The following UCMA variants were observed in gnomAD, a reference collection of about 807,000 sequenced individuals.
The protein encoded by UCMA is upper zone of growth plate and cartilage matrix-associated protein.
Under a neutral mutation model 21.8 loss-of-function variants are expected in UCMA, and 21 were observed. The ratio of observed to expected loss-of-function variants is 0.97; its 90% confidence interval spans 0.68 to 1.39. The LOEUF (loss-of-function observed/expected upper bound fraction) is 1.39. Ranked by LOEUF, UCMA falls within the 40% of genes most tolerant of loss-of-function variation. The pLI, the probability that UCMA is intolerant of heterozygous loss-of-function variation, is 0.00. For missense variants in UCMA, 193 were observed against 178.9 expected (o/e 1.08, Z -0.45); for synonymous variants, 76 against 67.9 (o/e 1.12, Z -0.58).
chr10:13,225,630 G>A (rs1180353897), intron 4 of UCMA, among the ~76,000 whole-genome samples: 3 of 147,634 alleles, frequency 2.0e-5, no homozygotes, highest in South Asian at 2.2e-4. Flanking sequence ...AGCCGAGATA[G>A]CGCCACTGCA....
chr10:13,225,966 C>T (rs1365286594), intron 4 of UCMA, among the ~76,000 whole-genome samples: 2 of 152,108 alleles, frequency 1.3e-5, no homozygotes, highest in Non-Finnish European at 2.9e-5. Flanking sequence ...CTGGGGAGAC[C>T]CCCTGAGGGC....
intron 4 of UCMA, among the ~76,000 whole-genome samples, chr10:13,224,437 AAG>A (rs1293063653): frequency 6.6e-6 from 1 of 152,142 alleles, no homozygotes; most frequent in African/African-American, 2.4e-5. Flanking sequence ...GGAAGAAAGA[AAG>A]AAGAGTTTAA....
At position 13,232,744 on chromosome 10, in the gene UCMA, G is replaced by A. The variant is rs571269940; in HGVS notation, c.220+794C>T. ...GTTCATTCACCCACAGGCACGAGGA[G>A]GAAAGACTCAAGCCAGAGACTCGGG... On this transcript the variant is annotated intron_variant, in intron 3 of 4. Coordinates refer to ENST00000378681, the MANE Select transcript of UCMA (RefSeq NM_145314.3). 7.9e-5 allele frequency among the ~76,000 whole-genome samples: 12 copies of A among 152,212 alleles called. No individual in the cohort carries two copies. In the East Asian group the frequency reaches 2.3e-3, roughly 29 times the overall value.
At chr10:13,225,324 T>C (rs1252372754) in intron 4 of UCMA, among the ~76,000 whole-genome samples, 1 of 147,910 alleles carries the variant, frequency 6.8e-6, no homozygotes, top group Admixed American at 7.1e-5. Flanking sequence ...ATTCCTTTTA[T>C]GAAGTAAGTA....
intron 3 of UCMA, among the ~76,000 whole-genome samples, chr10:13,231,012 A>T (rs959242691): frequency 1.3e-5 from 2 of 151,950 alleles, no homozygotes; most frequent in Admixed American, 1.3e-4. Context: ...ACGCCACTGC[A>T]CTCCAGCCTG....
At chr10:13,229,755 A>G (rs570369602) in intron 3 of UCMA, 46 bp from the exon 4 acceptor site, 112 of 1,510,594 alleles carry the variant, frequency 7.4e-5, no homozygotes, top group Non-Finnish European at 8.2e-5. Context: ...GAATGAGGAC[A>G]CTTAGGGGCA....
In UCMA at chr10:13,234,368, G is replaced by A. The variant is rs2399954; in HGVS notation, c.-110C>T. 0.099 allele frequency: 112,957 copies of A among 1,142,672 alleles called. 6,764 individuals are homozygous for A. The highest frequency in any genetic ancestry group is 0.22 in the Admixed American group (9,464 of 43,116). The allele number at this position is 1,142,672 out of a possible 1,614,324, so 70.8% of individuals were successfully genotyped here. Reference sequence around the variant, plus strand: ...CAGCCCAGGCGAGAGGAAGGAAGGCGGGGGAGGGAAGAGAGAGGCAGGAGG... The same window carrying A: ...CAGCCCAGGCGAGAGGAAGGAAGGCAGGGGAGGGAAGAGAGAGGCAGGAGG... On this transcript the variant is annotated 5_prime_UTR_variant, in exon 1 of 5. Coordinates refer to ENST00000378681, the MANE Select transcript of UCMA (RefSeq NM_145314.3).
At chr10:13,226,708 G>A (rs148511121) in intron 4 of UCMA, among the ~76,000 whole-genome samples, 27 of 152,218 alleles carry the variant, frequency 1.8e-4, no homozygotes, top group Middle Eastern at 3.4e-3. Flanking sequence ...GCCACTTACA[G>A]TGCCTGGCAG....
intron 4 of UCMA, among the ~76,000 whole-genome samples, chr10:13,229,011 C>T (rs1402821180): frequency 2.0e-5 from 3 of 152,090 alleles, no homozygotes; most frequent in African/African-American, 7.2e-5. Context: ...TCTCCACTCA[C>T]TGCAACTTCT....
At chr10:13,231,653 C>T (rs1834900538) in intron 3 of UCMA, among the ~76,000 whole-genome samples, 1 of 152,188 alleles carries the variant, frequency 6.6e-6, no homozygotes, top group Admixed American at 6.5e-5. Context: ...CAAATTAGAG[C>T]TTTGACGTAA....
chr10:13,222,308 G>A lies in UCMA; in HGVS notation c.320-108C>T, dbSNP rs564903468. 26 of 944,650 alleles carry A rather than the reference G, an allele frequency of 2.8e-5. No homozygotes were observed. In the Admixed American group the frequency reaches 4.4e-4, roughly 16 times the overall value. 58.5% of individuals were successfully genotyped at this position (944,650 alleles called of 1,614,324 possible). A position where few individuals can be genotyped will look rare whatever the true frequency, so the allele number is the denominator to read the frequency against. On this transcript the variant is annotated intron_variant, in intron 4 of 4. Transcript: ENST00000378681. Reference sequence around the variant, plus strand: ...TGCCCTGTGGTGACCTGCACTGAGAGTGTTTGTGAGCCCTGGTGAGAGAAG... The same window carrying A: ...TGCCCTGTGGTGACCTGCACTGAGAATGTTTGTGAGCCCTGGTGAGAGAAG...
Position 13,221,860 on chromosome 10 carries a change from G to A in UCMA, c.*243C>T. 1 of 518,078 alleles carries A rather than the reference G, an allele frequency of 1.9e-6. No individual in the cohort carries two copies. The highest frequency in any genetic ancestry group is 3.4e-6 in the Non-Finnish European group (1 of 291,296). 32.1% of individuals were successfully genotyped at this position (518,078 alleles called of 1,614,324 possible). A position where few individuals can be genotyped will look rare whatever the true frequency, so the allele number is the denominator to read the frequency against. On this transcript the variant is annotated 3_prime_UTR_variant, in exon 5 of 5. Coordinates refer to ENST00000378681, the MANE Select transcript of UCMA (RefSeq NM_145314.3). Reference sequence around the variant, plus strand: ...AACGAAGCCAGGGGAAGCCACTGTAGGTTTGGTACTAGGAGGCCCTGCAGG... The same window carrying A: ...AACGAAGCCAGGGGAAGCCACTGTAAGTTTGGTACTAGGAGGCCCTGCAGG...
intron 1 of UCMA, 38 bp downstream of exon 1, chr10:13,234,163 G>A (rs768655178): frequency 1.3e-6 from 2 of 1,580,206 alleles, no homozygotes; most frequent in Admixed American, 1.8e-5. Flanking sequence ...CCCTTACCAT[G>A]TAACTAACAC....
At chr10:13,230,147 G>C (rs528645367) in intron 3 of UCMA, among the ~76,000 whole-genome samples, 48 of 152,296 alleles carry the variant, frequency 3.2e-4, no homozygotes, top group African/African-American at 1.1e-3. Flanking sequence ...GAATAAGAAA[G>C]ATTCCGTCCT....
At chr10:13,231,367 A>G (rs1367206383) in intron 3 of UCMA, among the ~76,000 whole-genome samples, 2 of 152,116 alleles carry the variant, frequency 1.3e-5, no homozygotes, top group African/African-American at 4.8e-5. Flanking sequence ...AGGCTCAGAG[A>G]TGTGCATGAC....
intron 3 of UCMA, among the ~76,000 whole-genome samples, chr10:13,230,867 G>A (rs983685299): frequency 3.3e-5 from 5 of 152,160 alleles, no homozygotes; most frequent in African/African-American, 7.2e-5. Context: ...GCCCAGCCTG[G>A]CCAACATGGC....
At chr10:13,226,158 T>G (rs1487982324) in intron 4 of UCMA, among the ~76,000 whole-genome samples, 2 of 152,056 alleles carry the variant, frequency 1.3e-5, no homozygotes, top group Non-Finnish European at 2.9e-5. Context: ...TGAGTATACA[T>G]GTATCCTTTC....
Position 13,222,114 on chromosome 10 carries a change from G to A in UCMA, c.406C>T (p.His136Tyr), listed in dbSNP as rs1372403389. The A allele has an allele frequency of 1.9e-6, 3 of 1,614,058 alleles. No homozygotes were observed. The highest frequency in any genetic ancestry group is 2.5e-6 in the Non-Finnish European group (3 of 1,180,028). ...GLHPSYLYNR[H>Y]HT is the part of the protein sequence containing the mutation. ...GCTTCAGGATGGGATCAGGTGTGGT[G>A]GCGGTTGTAGAGATAGGATGGGTGC... is the stretch of plus-strand genomic sequence containing the variant. Residue 136 changes from histidine (H) to tyrosine (Y), a missense_variant, in exon 5 of 5, where the codon CAC becomes TAC. Coordinates refer to ENST00000378681, the MANE Select transcript of UCMA (RefSeq NM_145314.3).
intron 4 of UCMA, among the ~76,000 whole-genome samples, chr10:13,227,264 C>T (rs1312546744): frequency 1.3e-5 from 2 of 152,206 alleles, no homozygotes; most frequent in Admixed American, 6.5e-5. Flanking sequence ...GCTGCCTCCC[C>T]AGTCCATCAG....
Sources: gnomAD v4.1 joint callset for allele counts (sites outside exome capture counted in the v4.1 genomes callset) on GRCh38, gnomAD v4.1.1 for gene constraint, MANE v1.5 for transcripts, NCBI Gene and HGNC (gene_info 2026-07-23, HGNC 2026-07-21) for gene names.